The following MGAT4C variants were observed in gnomAD, a reference collection of about 807,000 sequenced individuals.
MGAT4C encodes MGAT4 family member C.
In MGAT4C, 19 loss-of-function variants were observed where a neutral mutation model predicts 40.1. The ratio of observed to expected loss-of-function variants is 0.47; its 90% CI spans 0.33 to 0.70. The LOEUF (loss-of-function observed/expected upper bound fraction) is 0.70. Among genes scored for constraint, MGAT4C ranks in the 30% least tolerant of loss-of-function variants. MGAT4C has a pLI of 0.02. For missense variants in MGAT4C, 491 were observed against 563.2 expected (o/e 0.87, Z 1.30); for synonymous variants, 181 against 187.1 (o/e 0.97, Z 0.27).
In MGAT4C at chr12:86,263,752, C is replaced by T. The variant is rs543931778; in HGVS notation, c.-57+70313G>A. 4.7e-4 allele frequency among the ~76,000 whole-genome samples: 71 copies of T among 152,264 alleles called. 1 individual carries two copies. The highest frequency in any genetic ancestry group is 1.4e-3 in the African/African-American group (59 of 41,560). On this transcript the variant is annotated intron_variant, in intron 4 of 7. Transcript: ENST00000548651. The stretch of plus-strand genomic sequence containing the variant: ...TTTAGTTCTTCAAGAAATCTCCATA[C>T]TGTTGTCCATAAAGCTTGTACTAAT...
chr12:86,572,110 C>T (rs984086270), intron 2 of MGAT4C, among the ~76,000 whole-genome samples: 1 of 152,046 alleles, frequency 6.6e-6, no homozygotes, highest in Admixed American at 6.6e-5. Context: ...CCATATTGCT[C>T]ACATGAAAAT....
intron 3 of MGAT4C, among the ~76,000 whole-genome samples, chr12:86,418,714 G>A (rs954359440): frequency 3.9e-5 from 6 of 152,026 alleles, no homozygotes; most frequent in African/African-American, 1.4e-4. Flanking sequence ...AAAGAACTGA[G>A]CTCATCAGCA....
At chr12:86,812,018 T>C (rs1952486548) in intron 1 of MGAT4C, among the ~76,000 whole-genome samples, 1 of 152,272 alleles carries the variant, frequency 6.6e-6, no homozygotes, top group Admixed American at 6.5e-5. Flanking sequence ...CATATGTATT[T>C]TCATTCTAGT....
chr12:86,618,416 T>C (rs1593048918), intron 2 of MGAT4C, among the ~76,000 whole-genome samples: 2 of 152,200 alleles, frequency 1.3e-5, no homozygotes, highest in South Asian at 2.1e-4. Context: ...AGCAAAAATA[T>C]ACAACAATCT....
intron 1 of MGAT4C, among the ~76,000 whole-genome samples, chr12:86,064,516 T>A (rs746297399): frequency 2.0e-5 from 3 of 152,062 alleles, no homozygotes; most frequent in Non-Finnish European, 4.4e-5. Flanking sequence ...TTGAAACCAA[T>A]GATAAAAAAG....
chr12:86,744,535 C>T (rs1482607945), intron 1 of MGAT4C, among the ~76,000 whole-genome samples: 2 of 151,482 alleles, frequency 1.3e-5, no homozygotes, highest in Middle Eastern at 3.4e-3. Context: ...TCTGCCTCTC[C>T]GTGGATTGGT....
rs12317029 is a variant in MGAT4C, at chr12:86,523,812, T to C, written c.-228-88547A>G. 8.2e-3 allele frequency among the ~76,000 whole-genome samples: 1,256 copies of C among 152,306 alleles called. 25 individuals carry two copies. Among genetic ancestry groups the C allele is most frequent in the African/African-American group, 0.029 (1,205 of 41,562 alleles). On this transcript the variant is annotated intron_variant, in intron 2 of 7. Transcript: ENST00000548651. ...TATTTAGGATAGTTAGGTGTTCTTG[T>C]AGAATTTAACCCTTTATCATTATTT...
chr12:86,270,169 A>G (rs980877550), intron 4 of MGAT4C, among the ~76,000 whole-genome samples: 2 of 151,890 alleles, frequency 1.3e-5, no homozygotes, highest in African/African-American at 4.8e-5. Flanking sequence ...TGGGTTCAAG[A>G]GATTCTCCGG....
intron 2 of MGAT4C, among the ~76,000 whole-genome samples, chr12:86,033,968 A>G (rs1890989253): frequency 6.7e-6 from 1 of 149,394 alleles, no homozygotes; most frequent in South Asian, 2.1e-4. Context: ...ATGAAGGAAT[A>G]CTGAATTTTA....
upstream of MGAT4C, among the ~76,000 whole-genome samples, chr12:86,257,174 G>C (rs766383117): frequency 2.0e-5 from 3 of 152,162 alleles, no homozygotes; most frequent in Non-Finnish European, 4.4e-5. Flanking sequence ...AGCACACACA[G>C]GGAATAATTA....
chr12:86,481,007 C>T (rs370437187), intron 2 of MGAT4C, among the ~76,000 whole-genome samples: 1 of 151,890 alleles, frequency 6.6e-6, no homozygotes, highest in African/African-American at 2.4e-5. Flanking sequence ...GAAATACAAT[C>T]TTTCAACGTA....
At chr12:86,343,348 T>C (rs1954942506) in intron 3 of MGAT4C, among the ~76,000 whole-genome samples, 2 of 152,302 alleles carry the variant, frequency 1.3e-5, no homozygotes, top group South Asian at 4.1e-4. Context: ...CCTCAAACAA[T>C]ATACTGATCT....
chr12:85,962,445 T>C lies in MGAT4C; in HGVS notation c.*16844A>G, dbSNP rs1368814753. On this transcript the variant is annotated 3_prime_UTR_variant, in exon 5 of 5. Transcript: ENST00000611864. Reference sequence around the variant, plus strand: ...AATTATATAAAATTTTATAATTAATTATAAAATAAAATATTAACAATAATT... The same window carrying C: ...AATTATATAAAATTTTATAATTAATCATAAAATAAAATATTAACAATAATT... 1 of 148,120 alleles carries C rather than the reference T, an allele frequency of 6.8e-6. No individual in the cohort carries two copies. Among genetic ancestry groups the C allele is most frequent in the African/African-American group, 2.4e-5 (1 of 40,866 alleles). 9.2% of individuals were successfully genotyped at this position (148,120 alleles called of 1,614,324 possible).
intron 1 of MGAT4C, among the ~76,000 whole-genome samples, chr12:86,211,131 G>A (rs532964308): frequency 6.6e-6 from 1 of 151,164 alleles, no homozygotes; most frequent in East Asian, 2.0e-4. Flanking sequence ...CTGCTTCTGT[G>A]GGTCTTTCCC....
chr12:86,442,110 T>C (rs2136279194), intron 2 of MGAT4C, among the ~76,000 whole-genome samples: 1 of 152,352 alleles, frequency 6.6e-6, no homozygotes, highest in East Asian at 1.9e-4. Context: ...ATGAGCATTT[T>C]TTCATGTGTC....
chr12:86,394,078 C>A (rs910715649), intron 3 of MGAT4C, among the ~76,000 whole-genome samples: 6 of 152,096 alleles, frequency 3.9e-5, no homozygotes, highest in Admixed American at 3.3e-4. Context: ...ATAATAATAG[C>A]AGATGCTGAG....
chr12:86,021,427 T>C (rs1388981497), intron 2 of MGAT4C, among the ~76,000 whole-genome samples: 8 of 152,036 alleles, frequency 5.3e-5, no homozygotes, highest in Non-Finnish European at 1.0e-4. Flanking sequence ...GATGAGTTCA[T>C]GTCCTTTGTA....
intron 1 of MGAT4C, among the ~76,000 whole-genome samples, chr12:86,119,407 A>G (rs139848750): frequency 1.1e-4 from 17 of 152,062 alleles, no homozygotes; most frequent in African/African-American, 4.1e-4. Context: ...TCCCGTTTTC[A>G]TTAAGTATTT....
At chr12:86,219,273 T>G (rs1202447784) in intron 1 of MGAT4C, among the ~76,000 whole-genome samples, 1 of 152,120 alleles carries the variant, frequency 6.6e-6, no homozygotes, top group East Asian at 1.9e-4. Context: ...CCTTCCTGAG[T>G]ATTTAAAGAT....
Sources: allele counts gnomAD v4.1 joint callset (sites outside exome capture counted in the v4.1 genomes callset), GRCh38; gene constraint gnomAD v4.1.1; transcripts MANE v1.5; gene names NCBI Gene and HGNC (gene_info 2026-07-23, HGNC 2026-07-21).